Variants in ZNF257 observed in about 807,000 individuals in gnomAD.
ZNF257 encodes zinc finger protein 257.
In ZNF257, 12 loss-of-function variants were observed where a neutral mutation model predicts 11.9. The ratio of observed to expected loss-of-function variants is 1.01; its 90% confidence interval spans 0.65 to 1.63. The LOEUF is 1.63. Among genes scored for constraint, ZNF257 ranks in the 40% most tolerant of loss-of-function variants. The pLI is 0.00. For missense variants in ZNF257, 580 were observed against 665.5 expected (o/e 0.87, Z 1.41); for synonymous variants, 183 against 222.7 (o/e 0.82, Z 1.59).
intron 3 of ZNF257, among the ~76,000 whole-genome samples, chr19:22,083,048 T>G (rs1373078599): frequency 6.6e-6 from 1 of 152,152 alleles, no homozygotes; most frequent in Non-Finnish European, 1.5e-5. Context: ...TAATCCTGTG[T>G]AGATGAGTAG....
Position 22,088,604 on chromosome 19 carries a change from T to C in ZNF257, c.854T>C (p.Phe285Ser). Reference sequence around the variant, plus strand: ...AGAATTCATAATAGAGAGAAGCCCTTCAAATATGATGAATGTTGCAAAGCC... The same window carrying C: ...AGAATTCATAATAGAGAGAAGCCCTCCAAATATGATGAATGTTGCAAAGCC... ...HKRIHNREKP[F>S]KYDECCKAFK... Residue 285 changes from phenylalanine to serine, a missense_variant, in exon 4 of 4, where the codon TTC (phenylalanine) becomes TCC (serine). Phe to Ser is a radical substitution (Grantham distance 155). Coordinates refer to ENST00000594947, the MANE Select transcript of ZNF257 (RefSeq NM_033468.4). The C allele has an allele frequency of 6.3e-7, 1 of 1,599,088 alleles. No homozygotes were observed. Among genetic ancestry groups the C allele is most frequent in the Non-Finnish European group, 8.5e-7 (1 of 1,175,726 alleles).
intron 1 of ZNF257, among the ~76,000 whole-genome samples, chr19:22,061,547 A>G (rs1340681691): frequency 6.6e-6 from 1 of 151,362 alleles, no homozygotes; most frequent in Non-Finnish European, 1.5e-5. Flanking sequence ...TCACGACTAT[A>G]GTCTTTTCTA....
Position 22,089,524 on chromosome 19 carries a change from T to C in ZNF257, c.*82T>C. On this transcript the variant is annotated 3_prime_UTR_variant, in exon 4 of 4. Transcript: ENST00000594947. ...TCCTTACTAAACATAAGGGAATTCA[T>C]AATAGAGAAACCCTACAAATGTGAA... 1 of 1,493,178 alleles carries C rather than the reference T, an allele frequency of 6.7e-7. No individual in the cohort carries two copies. The highest frequency in any genetic ancestry group is 1.9e-4 in the Middle Eastern group (1 of 5,378). 92.5% of individuals were successfully genotyped at this position (1,493,178 alleles called of 1,614,324 possible).
chr19:22,060,065 G>T (rs1174960993), intron 1 of ZNF257, among the ~76,000 whole-genome samples: 4 of 152,150 alleles, frequency 2.6e-5, no homozygotes, highest in Non-Finnish European at 5.9e-5. Flanking sequence ...CCATGGATAG[G>T]CATTTAGGTT....
rs559603469 is a variant in ZNF257, at chr19:22,089,655, C to A, written c.*213C>A. The A allele has an allele frequency of 3.1e-4, 377 of 1,200,868 alleles. No homozygotes were observed. Among genetic ancestry groups the A allele is most frequent in the Non-Finnish European group, 4.1e-4 (367 of 899,574 alleles). 74.4% of individuals were successfully genotyped at this position (1,200,868 alleles called of 1,614,324 possible). A position where few individuals can be genotyped will look rare whatever the true frequency, so the allele number is the denominator to read the frequency against. Reference sequence around the variant, plus strand: ...TGATGAATGTGGCATAGCCTCTTCCCAGTTCTCAACTCTTACTAAACATGA... The same window carrying A: ...TGATGAATGTGGCATAGCCTCTTCCAAGTTCTCAACTCTTACTAAACATGA... On this transcript the variant is annotated 3_prime_UTR_variant, in exon 4 of 4. Transcript: ENST00000594947.
rs1318178360 is a variant in ZNF257 at position 22,089,343 on chromosome 19, C to T, written c.1593C>T (p.Thr531=). Residue 531 remains threonine (T), a synonymous_variant, in exon 4 of 4, where the codon ACC becomes ACT. Transcript: ENST00000594947. ...CTTTTAATCGTTTCTCATACCTTAC[C>T]GTACATAAGAGAATTCATGCTGGAG... ...GKPFNRFSYL[T]VHKRIHAGEN... The T allele has an allele frequency of 1.2e-5, 19 of 1,609,714 alleles. No homozygotes were observed. The African/African-American group carries it at 1.8e-4, about 15-fold the overall frequency.
intron 3 of ZNF257, among the ~76,000 whole-genome samples, chr19:22,081,874 C>A (rs1182129763): frequency 6.6e-6 from 1 of 151,978 alleles, no homozygotes; most frequent in African/African-American, 2.4e-5. Context: ...GTTTCTATTA[C>A]CAGTTTTATT....
At chr19:22,072,367 T>C (rs2022122763) in intron 1 of ZNF257, among the ~76,000 whole-genome samples, 1 of 152,150 alleles carries the variant, frequency 6.6e-6, no homozygotes, top group Admixed American at 6.5e-5. Context: ...CATCTTTTTC[T>C]TTTTACAGTC....
At position 22,088,047 on chromosome 19, in the gene ZNF257, AC is replaced by A. The variant is rs2022516485; in HGVS notation, c.298del (p.Leu100Ter). The stretch of plus-strand genomic sequence containing the variant: ...TAAAATATTTTTTCCAAAAAGTCAT[AC>A]TGAGGAGATATGATAAATGTGAACA... ...DIKYFFQKVILRRYDKCEHEN... is the reference protein window; with the variant it reads ...DIKYFFQKVIXRRYDKCEHEN... On this transcript the variant is annotated frameshift_variant, in exon 4 of 4. Transcript: ENST00000594947. LOFTEE classifies it low-confidence loss of function (END_TRUNC). 2 of 1,593,928 alleles carry A rather than the reference AC, an allele frequency of 1.3e-6. No individual in the cohort carries two copies. Among genetic ancestry groups the A allele is most frequent in the East Asian group, 4.5e-5 (2 of 44,564 alleles).
At chr19:22,085,825 GT>G (rs557059034) in intron 3 of ZNF257, among the ~76,000 whole-genome samples, 24 of 152,040 alleles carry the variant, frequency 1.6e-4, no homozygotes, top group Middle Eastern at 3.4e-3. Flanking sequence ...TATAATATGA[GT>G]TTTTGACTTA....
intron 3 of ZNF257, among the ~76,000 whole-genome samples, chr19:22,074,055 G>T (rs1038910695): frequency 1.3e-5 from 2 of 151,754 alleles, no homozygotes; most frequent in African/African-American, 4.8e-5. Flanking sequence ...TATAAAATAT[G>T]ATGTCATTCT....
At chr19:22,072,669 A>G (rs1174788650) in intron 1 of ZNF257, 140 bp from the exon 2 acceptor site, 1 of 902,558 alleles carries the variant, frequency 1.1e-6, no homozygotes, top group African/African-American at 1.7e-5. Flanking sequence ...TTAAAAAAAT[A>G]TTTTCTTGGA....
At chr19:22,060,828 G>C (rs966692876) in intron 1 of ZNF257, among the ~76,000 whole-genome samples, 1 of 152,148 alleles carries the variant, frequency 6.6e-6, no homozygotes, top group African/African-American at 2.4e-5. Flanking sequence ...AAGGGGTCTA[G>C]TTTCAGTCTT....
chr19:22,085,066 T>C (rs1039092977), intron 3 of ZNF257, among the ~76,000 whole-genome samples: 4 of 151,626 alleles, frequency 2.6e-5, no homozygotes, highest in Non-Finnish European at 5.9e-5. Context: ...GTTGTTTGTT[T>C]GTTTTGAGAC....
rs79642208 is a variant in ZNF257 at position 22,069,896 on chromosome 19, G to C, written c.4-2913G>C. ...TAGGTAAGCTTAGGAAACAGAACTG[G>C]AAGTACCCCAGTGGCACAGAGAACA... On this transcript the variant is annotated intron_variant, in intron 1 of 3. Coordinates refer to ENST00000594947, the MANE Select transcript of ZNF257 (RefSeq NM_033468.4). Among the ~76,000 whole-genome samples, 243 of 152,186 alleles carry C rather than the reference G, an allele frequency of 1.6e-3. 1 individual carries two copies. The highest frequency in any genetic ancestry group is 5.5e-3 in the African/African-American group (230 of 41,514).
intron 3 of ZNF257, chr19:22,087,441 G>C: frequency 2.0e-6 from 1 of 501,944 alleles, no homozygotes. Context: ...TTACCTGTCT[G>C]TGGTACTGCA....
At chr19:22,075,278 A>AC in intron 3 of ZNF257, 2 of 156,108 alleles carry the variant, frequency 1.3e-5, no homozygotes, top group Admixed American at 1.3e-4. Flanking sequence ...TAGGGTCTGT[A>AC]TATAATGTAC....
At chr19:22,073,364 T>C (rs528990370) in intron 2 of ZNF257, 105 bp from the exon 3 acceptor site, 1 of 1,260,464 alleles carries the variant, frequency 7.9e-7, no homozygotes, top group East Asian at 2.7e-5. Context: ...TATTTTGGCA[T>C]AAATGTATTA....
At chr19:22,077,482 GTTT>G (rs1258058847) in intron 3 of ZNF257, among the ~76,000 whole-genome samples, 1 of 152,008 alleles carries the variant, frequency 6.6e-6, no homozygotes, top group East Asian at 1.9e-4. Flanking sequence ...TTCTCTTTGT[GTTT>G]TTATGAGTGT....
Sources: gnomAD v4.1 joint callset for allele counts (sites outside exome capture counted in the v4.1 genomes callset) on GRCh38, gnomAD v4.1.1 for gene constraint, MANE v1.5 for transcripts, NCBI Gene and HGNC (gene_info 2026-07-23, HGNC 2026-07-21) for gene names.